Variants in CD4 observed in about 807,000 individuals in gnomAD.
CD4 encodes the protein CD4 molecule.
Under a neutral mutation model 50.5 loss-of-function variants are expected in CD4, and 25 were observed. That is an observed-to-expected ratio of 0.49 (90% CI 0.36 to 0.69). The LOEUF is 0.69. Among genes scored for constraint, CD4 ranks in the 30% least tolerant of loss-of-function variants. The pLI, the probability that CD4 is intolerant of heterozygous loss-of-function variation, is 0.00. For missense variants in CD4, 456 were observed against 548.5 expected (o/e 0.83, Z 1.68); for synonymous variants, 207 against 221.9 (o/e 0.93, Z 0.60).
intron 1 of CD4, among the ~76,000 whole-genome samples, chr12:6,794,948 C>T (rs1041579827): frequency 4.6e-5 from 7 of 151,444 alleles, no homozygotes; most frequent in East Asian, 2.0e-4. Context: ...CCACTGTGCC[C>T]GGCTAATTTT....
In CD4 at chr12:6,818,663, G is replaced by A. The variant is rs1277488763; in HGVS notation, c.1278+121G>A. ...CCTCTGCCCACTCGTAAGTTCCCTT[G>A]CTGCCCTGTCCCAGATCCCACTCAA... On this transcript the variant is annotated intron_variant, in intron 8 of 9. Transcript: ENST00000011653. The surrounding 1 kb of genome is among the most constrained non-coding windows in gnomAD (Gnocchi z 5.0). 2 of 1,326,026 alleles carry A rather than the reference G, an allele frequency of 1.5e-6. No individual in the cohort carries two copies. Among genetic ancestry groups the A allele is most frequent in the Non-Finnish European group, 2.1e-6 (2 of 937,194 alleles). The allele number at this position is 1,326,026 out of a possible 1,614,324, so 82.1% of individuals were successfully genotyped here. A position where few individuals can be genotyped will look rare whatever the true frequency, so the allele number is the denominator to read the frequency against.
At chr12:6,811,671 CT>C (rs199784991) in intron 3 of CD4, among the ~76,000 whole-genome samples, 75 of 137,186 alleles carry the variant, frequency 5.5e-4, no homozygotes, top group Non-Finnish European at 4.8e-4. Flanking sequence ...TTTTTTTTTT[CT>C]TTTTTTTTTT....
intron 3 of CD4, among the ~76,000 whole-genome samples, chr12:6,809,693 C>T (rs1179764023): frequency 6.6e-6 from 1 of 152,008 alleles, no homozygotes; most frequent in Non-Finnish European, 1.5e-5. Context: ...TTGCACATGC[C>T]ACATCCTAGC....
rs1466306908 is a variant in CD4 at position 6,818,650 on chromosome 12, C to T, written c.1278+108C>T. Reference sequence around the variant, plus strand: ...TTTGGCCCAGCTCCCTCTGCCCACTCGTAAGTTCCCTTGCTGCCCTGTCCC... The same window carrying T: ...TTTGGCCCAGCTCCCTCTGCCCACTTGTAAGTTCCCTTGCTGCCCTGTCCC... On this transcript the variant is annotated intron_variant, in intron 8 of 9. Coordinates refer to ENST00000011653, the MANE Select transcript of CD4 (RefSeq NM_000616.5). This position sits in a 1 kb window ranked among gnomAD's most constrained non-coding sequence, Gnocchi z 5.0. 2.1e-6 allele frequency: 3 copies of T among 1,399,744 alleles called. No individual in the cohort carries two copies. The highest frequency in any genetic ancestry group is 4.6e-5 in the East Asian group (2 of 43,264). The allele number at this position is 1,399,744 out of a possible 1,614,324, so 86.7% of individuals were successfully genotyped here.
intron 3 of CD4, among the ~76,000 whole-genome samples, chr12:6,802,045 C>A (rs776735395): frequency 1.3e-5 from 2 of 150,120 alleles, no homozygotes; most frequent in Non-Finnish European, 3.0e-5. Context: ...GGCTAATTTG[C>A]GTATTTTTAG....
At position 6,808,052 on chromosome 12, in the gene CD4, C is replaced by T. The variant is rs782391444; in HGVS notation, c.215-6090C>T. ...CCGAGATCACGCCACTACACTGTAG[C>T]TTGGGCGACAGAGTGAGGCTCTTTC... On this transcript the variant is annotated intron_variant, in intron 3 of 9. Transcript: ENST00000011653. 3.1e-4 allele frequency among the ~76,000 whole-genome samples: 39 copies of T among 125,406 alleles called. No individual in the cohort carries two copies. In the East Asian group the frequency reaches 7.1e-3, roughly 23 times the overall value. The allele number at this position is 125,406 out of a possible 152,430, so 82.3% of individuals were successfully genotyped here. A position where few individuals can be genotyped will look rare whatever the true frequency, so the allele number is the denominator to read the frequency against.
intron 3 of CD4, among the ~76,000 whole-genome samples, chr12:6,809,342 A>G (rs1555116693): frequency 6.6e-6 from 1 of 152,102 alleles, no homozygotes; most frequent in African/African-American, 2.4e-5. Context: ...CAAAAAATAC[A>G]AAAGTTAGTC....
chr12:6,818,740 C>A lies in CD4; in HGVS notation c.1279-107C>A. On this transcript the variant is annotated intron_variant, in intron 8 of 9. Coordinates refer to ENST00000011653, the MANE Select transcript of CD4 (RefSeq NM_000616.5). This position sits in a 1 kb window ranked among gnomAD's most constrained non-coding sequence, Gnocchi z 5.0. ...TAATTCCAGGATAGATGGCCTGGGC[C>A]ATGTAACTGCTTCTCCTGTCGCAGC... 8.3e-7 allele frequency: 1 copy of A among 1,200,410 alleles called. No homozygotes were observed. The highest frequency in any genetic ancestry group is 1.2e-6 in the Non-Finnish European group (1 of 807,194). The allele number at this position is 1,200,410 out of a possible 1,614,324, so 74.4% of individuals were successfully genotyped here.
In CD4 at chr12:6,816,589, G is replaced by A. The variant is rs1033040530; in HGVS notation, c.955+186G>A. On this transcript the variant is annotated intron_variant, in intron 6 of 9. Transcript: ENST00000011653. The surrounding 1 kb of genome is among the most constrained non-coding windows in gnomAD (Gnocchi z 4.9). ...CTGAGACATCCATGAGCCAGCCTGG[G>A]GCTGGCTTCACTGAAGATCCCCAAA... Among the ~76,000 whole-genome samples the A allele has an allele frequency of 1.3e-5, 2 of 152,200 alleles. No individual in the cohort carries two copies. Among genetic ancestry groups the A allele is most frequent in the African/African-American group, 4.8e-5 (2 of 41,452 alleles).
intron 3 of CD4, 70 bp from the exon 4 acceptor site, chr12:6,814,072 G>A (rs1555117420): frequency 3.7e-6 from 5 of 1,340,196 alleles, no homozygotes; most frequent in Non-Finnish European, 1.0e-6. Context: ...AGAGCCGTGG[G>A]CATTCTCTTG....
At chr12:6,807,228 C>A (rs1320810923) in intron 3 of CD4, among the ~76,000 whole-genome samples, 1 of 152,136 alleles carries the variant, frequency 6.6e-6, no homozygotes, top group Non-Finnish European at 1.5e-5. Flanking sequence ...CACCCCTAGG[C>A]ATTTATCCTA....
intron 1 of CD4, among the ~76,000 whole-genome samples, chr12:6,794,516 C>T (rs1004746148): frequency 1.4e-4 from 21 of 151,108 alleles, no homozygotes; most frequent in Non-Finnish European, 1.6e-4. Flanking sequence ...AGATTACAGA[C>T]GTGCGTCACC....
intron 1 of CD4, 84 bp from the exon 2 acceptor site, chr12:6,799,988 G>T: frequency 1.5e-6 from 1 of 684,140 alleles, no homozygotes; most frequent in East Asian, 2.6e-5. Flanking sequence ...GGCTGCAAGG[G>T]TCCTGAGGGA....
intron 3 of CD4, among the ~76,000 whole-genome samples, chr12:6,809,191 C>A (rs1942858921): frequency 1.3e-5 from 2 of 152,064 alleles, no homozygotes; most frequent in Admixed American, 6.6e-5. Context: ...ATGACCTTTC[C>A]TTGCTTTGAA....
Position 6,814,176 on chromosome 12 carries a change from A to G in CD4, c.249A>G (p.Arg83=). Residue 83 remains arginine (R), a synonymous_variant, in exon 4 of 10, where the codon AGA becomes AGG. Coordinates refer to ENST00000011653, the MANE Select transcript of CD4 (RefSeq NM_000616.5). ...PSKLNDRADS[R]RSLWDQGNFP... ...AGCTGAATGATCGCGCTGACTCAAG[A>G]AGAAGCCTTTGGGACCAAGGAAACT... 6.2e-7 allele frequency: 1 copy of G among 1,614,100 alleles called. No individual in the cohort carries two copies. Among genetic ancestry groups the G allele is most frequent in the Non-Finnish European group, 8.5e-7 (1 of 1,179,986 alleles).
intron 2 of CD4, 49 bp downstream of exon 2, chr12:6,800,236 G>C: frequency 6.2e-7 from 1 of 1,612,664 alleles, no homozygotes; most frequent in East Asian, 2.2e-5. Flanking sequence ...GGGAGGAAAG[G>C]CAAAGGTGGA....
intron 3 of CD4, among the ~76,000 whole-genome samples, chr12:6,807,367 GA>G (rs1942796136): frequency 6.6e-6 from 1 of 151,950 alleles, no homozygotes; most frequent in Admixed American, 6.6e-5. Flanking sequence ...TCCATACCAC[GA>G]AATACTTTTC....
At chr12:6,806,075 G>A (rs1437558134) in intron 3 of CD4, among the ~76,000 whole-genome samples, 2 of 150,692 alleles carry the variant, frequency 1.3e-5, no homozygotes, top group African/African-American at 4.9e-5. Flanking sequence ...GAGGCAGGCT[G>A]ATCACTTCAG....
chr12:6,795,177 T>C (rs931877022), intron 1 of CD4, among the ~76,000 whole-genome samples: 1 of 152,144 alleles, frequency 6.6e-6, no homozygotes, highest in Non-Finnish European at 1.5e-5. Context: ...TTTATCTATC[T>C]TATTCATCAT....
Sources: allele counts gnomAD v4.1 joint callset (sites outside exome capture counted in the v4.1 genomes callset), GRCh38; gene constraint gnomAD v4.1.1; non-coding constraint Gnocchi (gnomAD v3.1); transcripts MANE v1.5; gene names NCBI Gene and HGNC (gene_info 2026-07-23, HGNC 2026-07-21).